DRD3: variants seen among roughly 807,000 people sequenced by gnomAD.
DRD3 encodes the protein dopamine receptor D3.
DRD3 carries 19 observed loss-of-function variants against 36.3 expected under a neutral mutation model. The ratio of observed to expected loss-of-function variants is 0.52; its 90% CI spans 0.36 to 0.77. DRD3 has a LOEUF of 0.77. Among genes scored for constraint, DRD3 ranks in the 30% least tolerant of loss-of-function variants. The pLI, the probability that DRD3 is intolerant of heterozygous loss-of-function variation, is 0.00. For synonymous variants in DRD3, 195 were observed against 203.7 expected (o/e 0.96, Z 0.36); for missense variants, 465 against 505.3 (o/e 0.92, Z 0.77).
In DRD3 at chr3:114,147,507, C is replaced by A; in HGVS notation, c.434G>T (p.Ser145Ile). The change falls in exon 4 of 7, where the codon AGC (serine) becomes ATC (isoleucine). Residue 145 changes from serine to isoleucine, a missense_variant. Coordinates refer to ENST00000383673, the MANE Select transcript of DRD3 (RefSeq NM_000796.6). ...CATGAGGGCCACGCGCCGACAGGAGCTCTGTCCCGTGCCATGCTGGTAGTG... is the reference window on the plus strand; with the variant it reads ...CATGAGGGCCACGCGCCGACAGGAGATCTGTCCCGTGCCATGCTGGTAGTG... The part of the protein sequence containing the change: ...PVHYQHGTGQ[S>I]SCRRVALMIT... The A allele has an allele frequency of 6.2e-7, 1 of 1,614,132 alleles. No individual in the cohort carries two copies. The highest frequency in any genetic ancestry group is 8.5e-7 in the Non-Finnish European group (1 of 1,180,030).
chr3:114,172,815 G>C (rs1427571348), intron 1 of DRD3, among the ~76,000 whole-genome samples: 4 of 152,150 alleles, frequency 2.6e-5, no homozygotes, highest in Admixed American at 6.5e-5. Context: ...ATAAAGAGCA[G>C]AAATTTGTTG....
At chr3:114,140,520 G>A (rs966223946) in intron 4 of DRD3, among the ~76,000 whole-genome samples, 2 of 152,304 alleles carry the variant, frequency 1.3e-5, no homozygotes, top group African/African-American at 2.4e-5. Flanking sequence ...TCTGCCAGGC[G>A]ATGAGCCAAG....
At chr3:114,156,747 C>T (rs1230462880) in intron 3 of DRD3, among the ~76,000 whole-genome samples, 39 of 82,378 alleles carry the variant, frequency 4.7e-4, no homozygotes, top group African/African-American at 1.8e-3. Context: ...CTTTCTTTTT[C>T]TTTCTTTCTT....
intron 3 of DRD3, among the ~76,000 whole-genome samples, chr3:114,157,214 C>T (rs933697520): frequency 1.3e-4 from 19 of 151,662 alleles, no homozygotes; most frequent in African/African-American, 2.2e-4. Context: ...CCACCATGTC[C>T]GGCTAATTTT....
At chr3:114,158,310 T>C (rs926312868) in intron 3 of DRD3, among the ~76,000 whole-genome samples, 3 of 151,922 alleles carry the variant, frequency 2.0e-5, no homozygotes, top group Non-Finnish European at 4.4e-5. Context: ...CAATATAACA[T>C]TGAATTACAC....
At chr3:114,154,165 A>G (rs2077643668) in intron 3 of DRD3, among the ~76,000 whole-genome samples, 2 of 152,176 alleles carry the variant, frequency 1.3e-5, no homozygotes, top group Non-Finnish European at 1.5e-5. Flanking sequence ...TAAATGAGAT[A>G]ACTGTGATGC....
intron 1 of DRD3, among the ~76,000 whole-genome samples, chr3:114,178,428 G>A (rs886771600): frequency 6.6e-6 from 1 of 151,970 alleles, no homozygotes; most frequent in Non-Finnish European, 1.5e-5. Context: ...AGCCCACAAG[G>A]ATACAATTTT....
At chr3:114,161,826 C>T (rs931392524) in intron 2 of DRD3, among the ~76,000 whole-genome samples, 6 of 152,138 alleles carry the variant, frequency 3.9e-5, no homozygotes, top group Admixed American at 3.3e-4. Flanking sequence ...ACTGTAAAAG[C>T]GTCTTGCAAA....
At chr3:114,153,615 A>C (rs1012524885) in intron 3 of DRD3, among the ~76,000 whole-genome samples, 3 of 152,212 alleles carry the variant, frequency 2.0e-5, no homozygotes, top group African/African-American at 4.8e-5. Context: ...GACTTGCCCA[A>C]GGTCACATTG....
chr3:114,151,749 A>T (rs575461097), intron 3 of DRD3, among the ~76,000 whole-genome samples: 1 of 152,352 alleles, frequency 6.6e-6, no homozygotes, highest in East Asian at 1.9e-4. Context: ...AAGGTTCTGC[A>T]GCAAATTGTG....
intron 5 of DRD3, among the ~76,000 whole-genome samples, chr3:114,132,860 A>G (rs2077443084): frequency 6.6e-6 from 1 of 152,270 alleles, no homozygotes. Context: ...ATTCAAACAA[A>G]CCAACTGTAA....
intron 4 of DRD3, among the ~76,000 whole-genome samples, chr3:114,145,236 G>A (rs1433009941): frequency 2.0e-5 from 3 of 152,112 alleles, no homozygotes; most frequent in African/African-American, 7.2e-5. Flanking sequence ...TTTTCATATA[G>A]AAACAAGGTT....
intron 1 of DRD3, among the ~76,000 whole-genome samples, chr3:114,189,106 T>A (rs2077990180): frequency 6.6e-6 from 1 of 152,238 alleles, no homozygotes; most frequent in African/African-American, 2.4e-5. Context: ...TAATTATAAA[T>A]AATATTTGTA....
chr3:114,156,802 T>TTTC (rs1225826200), intron 3 of DRD3, among the ~76,000 whole-genome samples: 6 of 136,356 alleles, frequency 4.4e-5, no homozygotes, highest in African/African-American at 1.4e-4. Flanking sequence ...TTTCTTTCTC[T>TTTC]TTTCTTTTTC....
At chr3:114,164,081 T>TGTG (rs142804623) in intron 2 of DRD3, among the ~76,000 whole-genome samples, 30,049 of 149,688 alleles carry the variant, frequency 0.2, 3,105 homozygotes, top group Admixed American at 0.29. Context: ...ATTAGCTGGG[T>TGTG]GTGGTGGTGG....
At chr3:114,137,240 A>T (rs1476831600) in intron 5 of DRD3, among the ~76,000 whole-genome samples, 1 of 152,124 alleles carries the variant, frequency 6.6e-6, no homozygotes, top group East Asian at 1.9e-4. Flanking sequence ...CCCACTTACC[A>T]TTTTTCCTGT....
At chr3:114,141,190 C>G (rs1407878158) in intron 4 of DRD3, among the ~76,000 whole-genome samples, 1 of 152,164 alleles carries the variant, frequency 6.6e-6, no homozygotes, top group Non-Finnish European at 1.5e-5. Context: ...GGCCGCCATG[C>G]CCAGCTAATT....
intron 1 of DRD3, among the ~76,000 whole-genome samples, chr3:114,178,450 T>C (rs2077922366): frequency 6.6e-6 from 1 of 151,726 alleles, no homozygotes; most frequent in Non-Finnish European, 1.5e-5. Context: ...GGGGAAAAAA[T>C]AAAAGAAAAA....
At chr3:114,129,342 C>CA (rs201389872) in intron 6 of DRD3, among the ~76,000 whole-genome samples, 62 of 151,578 alleles carry the variant, frequency 4.1e-4, no homozygotes, top group Admixed American at 6.6e-4. Flanking sequence ...TACTCCATCT[C>CA]AAAAAAAACA....
Sources: allele counts gnomAD v4.1 joint callset (sites outside exome capture counted in the v4.1 genomes callset), GRCh38; gene constraint gnomAD v4.1.1; transcripts MANE v1.5; gene names NCBI Gene and HGNC (gene_info 2026-07-23, HGNC 2026-07-21).